Variants in NCOR1 observed in about 807,000 individuals in gnomAD.
The protein encoded by NCOR1 is protein phosphatase 1, regulatory subunit 109.
NCOR1 carries 63 observed loss-of-function variants against 288.1 expected under a neutral mutation model. The observed-to-expected ratio is 0.22, with a 90% CI of 0.18 to 0.27. The LOEUF is 0.27. Ranked by LOEUF, NCOR1 falls within the 10% of genes least tolerant of loss-of-function variation. The pLI is 1.00. For missense variants in NCOR1, 2,397 were observed against 3,019.2 expected (o/e 0.79, Z 4.83); for synonymous variants, 1,007 against 1,065.9 (o/e 0.94, Z 1.08).
rs769883958 is a variant in NCOR1, at chr17:16,061,626, C to T, written c.5656G>A (p.Ala1886Thr). ...GGCTGGGGCTTGCCACTTGGAAAGG[C>T]TGAAGAAGTGTATAAACACTGAACA... ...RSVQCLYTSSAFPSGKPQPHS... is the reference protein window; with the variant it reads ...RSVQCLYTSSTFPSGKPQPHS... Residue 1886 changes from alanine to threonine, a missense_variant, in exon 37 of 46, where the codon GCC becomes ACC. Coordinates refer to ENST00000268712, the MANE Select transcript of NCOR1 (RefSeq NM_006311.4). 2 of 1,614,202 alleles carry T rather than the reference C, an allele frequency of 1.2e-6. No individual in the cohort carries two copies. The highest frequency in any genetic ancestry group is 1.7e-5 in the Admixed American group (1 of 60,016).
chr17:16,152,866 T>C (rs577322703), intron 7 of NCOR1, among the ~76,000 whole-genome samples: 26 of 152,172 alleles, frequency 1.7e-4, no homozygotes, highest in Non-Finnish European at 3.4e-4. Context: ...TGAGATGGTA[T>C]CTCATTGTGG....
At chr17:16,126,613 T>C (rs542558774) in intron 14 of NCOR1, among the ~76,000 whole-genome samples, 1 of 152,284 alleles carries the variant, frequency 6.6e-6, no homozygotes, top group Admixed American at 6.5e-5. Flanking sequence ...TCACTATCTA[T>C]AATGCTATAA....
intron 40 of NCOR1, among the ~76,000 whole-genome samples, chr17:16,055,075 G>T (rs1409697002): frequency 2.0e-5 from 3 of 152,192 alleles, no homozygotes; most frequent in Non-Finnish European, 4.4e-5. Flanking sequence ...CACTGTTGGT[G>T]GGAGTGTAAA....
In NCOR1 at chr17:16,064,852, G is replaced by C. The variant is rs1281831385; in HGVS notation, c.5101+18C>G. The C allele has an allele frequency of 6.3e-7, 1 of 1,585,356 alleles. No individual in the cohort carries two copies. Among genetic ancestry groups the C allele is most frequent in the Admixed American group, 1.8e-5 (1 of 57,136 alleles). ...CATGATGGTTCTATTAGAGAGGTGT[G>C]TAACTGTACAATCTCACCTGGAGAC... is the stretch of plus-strand genomic sequence containing the variant. On this transcript the variant is annotated intron_variant, in intron 34 of 45. Transcript: ENST00000268712.
chr17:16,093,222 T>C (rs1437362103), intron 21 of NCOR1, among the ~76,000 whole-genome samples: 1 of 152,240 alleles, frequency 6.6e-6, no homozygotes, highest in Non-Finnish European at 1.5e-5. Context: ...ATTTTAGACA[T>C]GGAACCCCAG....
intron 14 of NCOR1, among the ~76,000 whole-genome samples, chr17:16,126,853 C>T (rs1186224087): frequency 6.6e-6 from 1 of 152,160 alleles, no homozygotes; most frequent in East Asian, 1.9e-4. Context: ...AAAAGTGAAA[C>T]TAAGTGTGCA....
Position 16,171,863 on chromosome 17 carries a change from C to T in NCOR1, c.375G>A (p.Ala125=), listed in dbSNP as rs146152906. 111 of 1,612,714 alleles carry T rather than the reference C, an allele frequency of 6.9e-5. No individual in the cohort carries two copies. Among genetic ancestry groups the T allele is most frequent in the Middle Eastern group, 3.3e-4 (2 of 6,062 alleles). Residue 125 remains alanine (A), a synonymous_variant, in exon 4 of 46, where the codon GCG becomes GCA. Transcript: ENST00000268712. The stretch of plus-strand genomic sequence containing the variant: ...GCAGCGGGTGCACTAAAGGCAAAAC[C>T]GCAGCACTGACACGCTGAAAATGAG... ...SDSHFQRVSA[A]VLPLVHPLPE...
intron 25 of NCOR1, 84 bp downstream of exon 25, chr17:16,080,324 C>T: frequency 8.9e-7 from 1 of 1,123,448 alleles, no homozygotes; most frequent in Non-Finnish European, 1.2e-6. Context: ...TAAAAAAGCC[C>T]ATCATTAAAA....
chr17:16,140,038 AAACT>A (rs1213817312), intron 11 of NCOR1, among the ~76,000 whole-genome samples: 3 of 152,244 alleles, frequency 2.0e-5, no homozygotes, highest in African/African-American at 7.2e-5. Flanking sequence ...CTCAATACAT[AAACT>A]AATTTTAGAT....
At chr17:16,047,372 G>GT (rs1272664385) in intron 41 of NCOR1, among the ~76,000 whole-genome samples, 4 of 152,158 alleles carry the variant, frequency 2.6e-5, no homozygotes, top group Non-Finnish European at 5.9e-5. Flanking sequence ...AGCAGTAAAT[G>GT]AATATTAATA....
intron 2 of NCOR1, among the ~76,000 whole-genome samples, chr17:16,189,115 C>G (rs1353161052): frequency 6.6e-6 from 1 of 152,024 alleles, no homozygotes; most frequent in Non-Finnish European, 1.5e-5. Context: ...AATAGCAGGC[C>G]GGGCATGGTA....
intron 40 of NCOR1, among the ~76,000 whole-genome samples, chr17:16,050,082 G>C (rs899809428): frequency 6.6e-6 from 1 of 151,832 alleles, no homozygotes; most frequent in African/African-American, 2.4e-5. Context: ...GTTTTATTAT[G>C]TCTGGTGGCC....
At chr17:16,051,509 A>C (rs752538344) in intron 40 of NCOR1, among the ~76,000 whole-genome samples, 6 of 152,204 alleles carry the variant, frequency 3.9e-5, no homozygotes, top group Non-Finnish European at 8.8e-5. Context: ...TTGACAGGGA[A>C]ATTTATAGCA....
chr17:16,090,532 C>A (rs920397522), intron 22 of NCOR1, among the ~76,000 whole-genome samples: 1 of 152,126 alleles, frequency 6.6e-6, no homozygotes, highest in Non-Finnish European at 1.5e-5. Flanking sequence ...TTACTGAGTA[C>A]ATGTTGTGTC....
chr17:16,092,688 TA>T (rs1567960561), intron 21 of NCOR1, among the ~76,000 whole-genome samples: 219 of 12,056 alleles, frequency 0.018, 1 homozygote, highest in Non-Finnish European at 0.026. Flanking sequence ...TATATATATA[TA>T]TATATATTTT....
intron 15 of NCOR1, among the ~76,000 whole-genome samples, chr17:16,125,718 A>G (rs192398307): frequency 6.6e-6 from 1 of 151,848 alleles, no homozygotes; most frequent in African/African-American, 2.4e-5. Context: ...AAAAAAAAAA[A>G]AAAACTATAC....
At chr17:16,155,368 A>ATACACAC (rs61602885) in intron 6 of NCOR1, among the ~76,000 whole-genome samples, 58 of 138,572 alleles carry the variant, frequency 4.2e-4, no homozygotes, top group African/African-American at 1.1e-3. Flanking sequence ...AAAAAAAAAA[A>ATACACAC]ATACACACAC....
chr17:16,058,678 T>A, intron 37 of NCOR1, 79 bp from the exon 38 acceptor site: 1 of 1,389,644 alleles, frequency 7.2e-7, no homozygotes, highest in Admixed American at 2.1e-5. Context: ...ACCTGTAGCA[T>A]TTTTTCAATT....
Position 16,086,433 on chromosome 17 carries a change from G to A in NCOR1, c.3026C>T (p.Pro1009Leu), listed in dbSNP as rs1289511307. ...ATTAGTTATCACTTGATGTGGAGCA[G>A]GCTGAAGGACTTTTAAAAGGAAAGA... ...SPNREWEVLQ[P>L]APHQVITNLP... Residue 1009 changes from proline to leucine, a missense_variant, in exon 23 of 46, where the codon CCT becomes CTT. Transcript: ENST00000268712. 6.2e-7 allele frequency: 1 copy of A among 1,611,208 alleles called. No homozygotes were observed. The highest frequency in any genetic ancestry group is 2.2e-5 in the East Asian group (1 of 44,822).
Sources: allele counts gnomAD v4.1 joint callset (sites outside exome capture counted in the v4.1 genomes callset), GRCh38; gene constraint gnomAD v4.1.1; transcripts MANE v1.5; gene names NCBI Gene and HGNC (gene_info 2026-07-23, HGNC 2026-07-21).